The following GPC6 variants were observed in gnomAD, a reference collection of about 807,000 sequenced individuals.
GPC6 encodes the protein glypican-6.
Under a neutral mutation model 55.2 loss-of-function variants are expected in GPC6, and 14 were observed. That is an observed-to-expected ratio of 0.25 (90% CI 0.17 to 0.40). The LOEUF (loss-of-function observed/expected upper bound fraction) is 0.40. GPC6 is among the 10% of genes least tolerant of loss of function. The probability of loss-of-function intolerance (pLI) is 1.00; values close to 1 mark genes in which losing one functional copy is unlikely to be tolerated. For synonymous variants in GPC6, 278 were observed against 259.6 expected, an observed-to-expected ratio of 1.07 and a Z score of -0.68; for missense variants, 641 against 708.5, an observed-to-expected ratio of 0.90 and a Z score of 1.08.
intron 1 of GPC6, among the ~76,000 whole-genome samples, chr13:93,345,167 C>G (rs1880385378): frequency 6.6e-6 from 1 of 151,958 alleles, no homozygotes; most frequent in African/African-American, 2.4e-5. Context: ...TGGAGTCAGA[C>G]CTGGATTCTC....
intron 3 of GPC6, among the ~76,000 whole-genome samples, chr13:93,903,493 C>T (rs568928359): frequency 6.6e-6 from 1 of 152,174 alleles, no homozygotes; most frequent in Non-Finnish European, 1.5e-5. Flanking sequence ...TCTTAATGCT[C>T]TTACATTTAA....
intron 2 of GPC6, among the ~76,000 whole-genome samples, chr13:93,561,653 G>C (rs1007920886): frequency 6.6e-6 from 1 of 151,762 alleles, no homozygotes; most frequent in Non-Finnish European, 1.5e-5. Context: ...AGTCATGCTG[G>C]GTGCTCATTG....
At chr13:94,097,330 G>A (rs1444717367) in intron 4 of GPC6, among the ~76,000 whole-genome samples, 1 of 151,680 alleles carries the variant, frequency 6.6e-6, no homozygotes, top group Non-Finnish European at 1.5e-5. Context: ...GTGAAACCCC[G>A]TCTCTACTAA....
intron 1 of GPC6, among the ~76,000 whole-genome samples, chr13:93,368,389 C>CTTCCTTCCTTCCTTCCTTCT (rs1212627126): frequency 2.2e-5 from 2 of 88,972 alleles, no homozygotes; most frequent in African/African-American, 6.1e-5. Context: ...TCCTTCCTTC[C>CTTCCTTCCTTCCTTCCTTCT]GTCCTTCCTT....
chr13:94,354,348 C>CA (rs61181264), intron 6 of GPC6, among the ~76,000 whole-genome samples: 1,829 of 136,136 alleles, frequency 0.013, 36 homozygotes, highest in African/African-American at 0.041. Flanking sequence ...AAAAAAGATA[C>CA]AAAAAAAAAA....
At position 93,390,025 on chromosome 13, in the gene GPC6, AT is replaced by A. The variant is rs201108216; in HGVS notation, c.161-155226del. Among the ~76,000 whole-genome samples the A allele has an allele frequency of 4.3e-3, 629 of 145,666 alleles. 2 individuals are homozygous for A. The highest frequency in any genetic ancestry group is 0.011 in the African/African-American group (428 of 39,624). ...TAACATTATGGAAAGAGAGACAGGC[AT>A]TTTTTTTTTTTCTCCACCAGAAGCC... On this transcript the variant is annotated intron_variant, in intron 1 of 8. Transcript: ENST00000377047.
chr13:93,899,009 C>T (rs1412194680), intron 3 of GPC6, among the ~76,000 whole-genome samples: 1 of 147,118 alleles, frequency 6.8e-6, no homozygotes, highest in East Asian at 2.0e-4. Context: ...TATAGCTTTG[C>T]TTTTAATCTC....
chr13:93,810,709 G>T (rs977559753), intron 2 of GPC6, among the ~76,000 whole-genome samples: 2 of 152,160 alleles, frequency 1.3e-5, no homozygotes, highest in Non-Finnish European at 2.9e-5. Flanking sequence ...AGCCAAGTGT[G>T]CAATATTAAG....
chr13:93,292,000 T>C (rs1182572906), intron 1 of GPC6, among the ~76,000 whole-genome samples: 1 of 152,210 alleles, frequency 6.6e-6, no homozygotes, highest in African/African-American at 2.4e-5. Flanking sequence ...TAGCATTTAA[T>C]AGTTTTGTTC....
chr13:94,203,495 A>G (rs538577323), intron 4 of GPC6, among the ~76,000 whole-genome samples: 4 of 152,296 alleles, frequency 2.6e-5, no homozygotes, highest in Non-Finnish European at 4.4e-5. Flanking sequence ...ATGATGTGTC[A>G]TATTTAATCT....
intron 3 of GPC6, among the ~76,000 whole-genome samples, chr13:93,944,429 C>T (rs1309663932): frequency 6.6e-6 from 1 of 152,118 alleles, no homozygotes; most frequent in African/African-American, 2.4e-5. Flanking sequence ...TGGTCTCGAT[C>T]TCCTGACTTT....
intron 4 of GPC6, among the ~76,000 whole-genome samples, chr13:94,251,179 C>A (rs1891336499): frequency 6.6e-6 from 1 of 151,914 alleles, no homozygotes; most frequent in Non-Finnish European, 1.5e-5. Flanking sequence ...AACCAAAAGC[C>A]ATCATCCTCA....
intron 4 of GPC6, among the ~76,000 whole-genome samples, chr13:94,122,936 T>G (rs1407819107): frequency 3.3e-5 from 5 of 152,124 alleles, no homozygotes; most frequent in African/African-American, 1.2e-4. Flanking sequence ...ATTAAAATGT[T>G]TCTAAGCTTC....
intron 4 of GPC6, among the ~76,000 whole-genome samples, chr13:94,215,832 C>T (rs1215360914): frequency 6.6e-6 from 1 of 151,990 alleles, no homozygotes; most frequent in Non-Finnish European, 1.5e-5. Context: ...TGCTTTCAAA[C>T]CTAGACTTAA....
rs1463677620 is a variant in GPC6, at chr13:93,714,816, C to T, written c.320-115338C>T. Among the ~76,000 whole-genome samples, 3 of 151,452 alleles carry T rather than the reference C, an allele frequency of 2.0e-5. 1 individual carries two copies. The highest frequency in any genetic ancestry group is 2.4e-5 in the African/African-American group (1 of 41,288). On this transcript the variant is annotated intron_variant, in intron 2 of 8. Coordinates refer to ENST00000377047, the MANE Select transcript of GPC6 (RefSeq NM_005708.5). Reference sequence around the variant, plus strand: ...CGGCAGTGTTACTATGTTTAATATGCATAATTAGAGGGAGGGTTATTCATA... The same window carrying T: ...CGGCAGTGTTACTATGTTTAATATGTATAATTAGAGGGAGGGTTATTCATA...
At chr13:94,288,832 TTATATATAACAAA>T (rs1392219276) in intron 5 of GPC6, among the ~76,000 whole-genome samples, 11 of 40,110 alleles carry the variant, frequency 2.7e-4, no homozygotes, top group Admixed American at 5.5e-4. Context: ...TATATATTTG[TTATATATAACAAA>T]TATATATAAT....
chr13:94,348,503 G>C (rs1050744643), intron 6 of GPC6, among the ~76,000 whole-genome samples: 3 of 152,106 alleles, frequency 2.0e-5, no homozygotes, highest in Non-Finnish European at 4.4e-5. Context: ...TCCTCGAGTG[G>C]GAAGGATCTA....
At chr13:93,226,005 A>G (rs748238725), upstream of GPC6, among the ~76,000 whole-genome samples, 1 of 152,224 alleles carries the variant, frequency 6.6e-6, no homozygotes, top group Non-Finnish European at 1.5e-5. Context: ...AACAAAGTCA[A>G]TTAGGCAAAC....
At chr13:94,283,371 A>C (rs1198100875) in intron 4 of GPC6, among the ~76,000 whole-genome samples, 2 of 152,240 alleles carry the variant, frequency 1.3e-5, no homozygotes, top group Non-Finnish European at 1.5e-5. Context: ...CATGACTTAT[A>C]CATTAACTCC....
Sources: allele counts gnomAD v4.1 joint callset (sites outside exome capture counted in the v4.1 genomes callset), GRCh38; gene constraint gnomAD v4.1.1; transcripts MANE v1.5; gene names NCBI Gene and HGNC (gene_info 2026-07-23, HGNC 2026-07-21).